Variants in GABRB2 observed in about 807,000 individuals in gnomAD.
The protein encoded by GABRB2 is gamma-aminobutyric acid receptor subunit beta-2.
Under a neutral mutation model 54.7 loss-of-function variants are expected in GABRB2, and 16 were observed. The observed-to-expected ratio is 0.29, with a 90% CI of 0.20 to 0.44. The LOEUF (loss-of-function observed/expected upper bound fraction) is 0.44. Among genes scored for constraint, GABRB2 ranks in the 20% least tolerant of loss-of-function variants. The pLI is 1.00. For synonymous variants in GABRB2, 244 were observed against 233.8 expected, an observed-to-expected ratio of 1.04 and a Z score of -0.40; for missense variants, 355 against 644.0, an observed-to-expected ratio of 0.55 and a Z score of 4.86.
chr5:161,417,868 T>C (rs750345826), intron 4 of GABRB2, among the ~76,000 whole-genome samples: 3 of 152,210 alleles, frequency 2.0e-5, no homozygotes, highest in Non-Finnish European at 2.9e-5. Context: ...CCAAGACTCA[T>C]GCATAAATGT....
At chr5:161,301,666 T>A (rs1757542844) in intron 9 of GABRB2, among the ~76,000 whole-genome samples, 1 of 152,206 alleles carries the variant, frequency 6.6e-6, no homozygotes. Context: ...GTGAATAAAC[T>A]GCTATTCTCT....
intron 4 of GABRB2, among the ~76,000 whole-genome samples, chr5:161,431,776 A>G (rs528099348): frequency 6.6e-6 from 1 of 152,330 alleles, no homozygotes; most frequent in South Asian, 2.1e-4. Context: ...ATAAACATCT[A>G]AGATTGATAA....
intron 5 of GABRB2, among the ~76,000 whole-genome samples, chr5:161,378,604 A>G (rs1212865801): frequency 6.6e-6 from 1 of 152,144 alleles, no homozygotes; most frequent in African/African-American, 2.4e-5. Flanking sequence ...TGTATTTACC[A>G]TGATGCTCAA....
chr5:161,378,825 G>A (rs1213918575), intron 5 of GABRB2, among the ~76,000 whole-genome samples: 2 of 152,184 alleles, frequency 1.3e-5, no homozygotes, highest in African/African-American at 4.8e-5. Flanking sequence ...TGAAGCAAAA[G>A]TGAGAGCTAT....
At chr5:161,297,735 A>G (rs1757423725) in intron 9 of GABRB2, among the ~76,000 whole-genome samples, 1 of 152,162 alleles carries the variant, frequency 6.6e-6, no homozygotes, top group South Asian at 2.1e-4. Context: ...TAGTGTTGCA[A>G]TAAACATATG....
intron 3 of GABRB2, among the ~76,000 whole-genome samples, chr5:161,475,687 T>A (rs1039995076): frequency 4.0e-5 from 6 of 151,894 alleles, no homozygotes; most frequent in Non-Finnish European, 5.9e-5. Context: ...ATACACTGCA[T>A]TAACAAAATT....
chr5:161,484,661 A>T (rs1758863894), intron 3 of GABRB2, among the ~76,000 whole-genome samples: 1 of 152,006 alleles, frequency 6.6e-6, no homozygotes, highest in African/African-American at 2.4e-5. Context: ...CACAGCAAAG[A>T]GCTTACTTTG....
intron 5 of GABRB2, among the ~76,000 whole-genome samples, chr5:161,347,107 G>A (rs1052712691): frequency 1.3e-5 from 2 of 152,114 alleles, no homozygotes; most frequent in African/African-American, 4.8e-5. Flanking sequence ...TCTAGAGCAT[G>A]AGCTTTTTAA....
intron 3 of GABRB2, among the ~76,000 whole-genome samples, chr5:161,516,586 T>C (rs1759956082): frequency 6.6e-6 from 1 of 152,214 alleles, no homozygotes; most frequent in Non-Finnish European, 1.5e-5. Context: ...AGGGCAACGT[T>C]GTTTTTGATA....
Position 161,485,124 on chromosome 5 carries a change from A to T in GABRB2, c.238-25280T>A, listed in dbSNP as rs185175215. On this transcript the variant is annotated intron_variant, in intron 3 of 9. Coordinates refer to ENST00000393959, the MANE Select transcript of GABRB2 (RefSeq NM_001371727.1). The stretch of plus-strand genomic sequence containing the variant: ...TCTACTAGGTCCTAAAATATATACC[A>T]CTTTCTATAGGAAGCCCTGTCTAAG... Among the ~76,000 whole-genome samples, 390 of 151,714 alleles carry T rather than the reference A, an allele frequency of 2.6e-3. 15 individuals are homozygous for T. Among genetic ancestry groups the T allele is most frequent in the Admixed American group, 0.025 (373 of 15,216 alleles).
intron 4 of GABRB2, 101 bp from the exon 5 acceptor site, chr5:161,411,158 G>T: frequency 2.4e-6 from 2 of 831,602 alleles, no homozygotes; most frequent in Non-Finnish European, 2.0e-6. Context: ...TTTACCCTAA[G>T]TACTAATGAA....
chr5:161,401,259 T>A (rs902387447), intron 5 of GABRB2, among the ~76,000 whole-genome samples: 10 of 152,228 alleles, frequency 6.6e-5, no homozygotes, highest in Non-Finnish European at 1.0e-4. Context: ...TTGATAACGT[T>A]ATGTATTATG....
intron 7 of GABRB2, among the ~76,000 whole-genome samples, chr5:161,333,021 G>A (rs1232360399): frequency 2.0e-5 from 3 of 151,996 alleles, no homozygotes; most frequent in South Asian, 2.1e-4. Context: ...TGTATCATAC[G>A]TATATAATAA....
intron 3 of GABRB2, among the ~76,000 whole-genome samples, chr5:161,537,213 C>T (rs1760665547): frequency 1.3e-5 from 2 of 152,266 alleles, no homozygotes; most frequent in South Asian, 4.2e-4. Context: ...AAATACGGGG[C>T]TCACCAGATT....
rs1424795380 is a variant in GABRB2 at position 161,292,740 on chromosome 5, T to G, written c.*1341A>C. 6.6e-6 allele frequency: 1 copy of G among 152,204 alleles called. No homozygotes were observed. Among genetic ancestry groups the G allele is most frequent in the African/African-American group, 2.4e-5 (1 of 41,466 alleles). The allele number at this position is 152,204 out of a possible 1,614,324, so 9.4% of individuals were successfully genotyped here. A position where few individuals can be genotyped will look rare whatever the true frequency, so the allele number is the denominator to read the frequency against. On this transcript the variant is annotated 3_prime_UTR_variant, in exon 10 of 10. Coordinates refer to ENST00000393959, the MANE Select transcript of GABRB2 (RefSeq NM_001371727.1). ...GAAAATCAAGCCCCAAACCAATGAA[T>G]GCACAAATTAACTCTCTGTGTGTTC...
chr5:161,500,308 T>C (rs1000837786), intron 3 of GABRB2, among the ~76,000 whole-genome samples: 13 of 152,164 alleles, frequency 8.5e-5, no homozygotes, highest in Non-Finnish European at 1.9e-4. Context: ...TCTCCTTTTT[T>C]CATTCTTTGC....
chr5:161,500,403 C>T (rs746610672), intron 3 of GABRB2, among the ~76,000 whole-genome samples: 3 of 152,020 alleles, frequency 2.0e-5, no homozygotes, highest in Admixed American at 6.6e-5. Context: ...ACACAGCCTT[C>T]CTTAGGGTTC....
At chr5:161,397,377 T>G (rs1295365202) in intron 5 of GABRB2, among the ~76,000 whole-genome samples, 1 of 152,198 alleles carries the variant, frequency 6.6e-6, no homozygotes, top group Non-Finnish European at 1.5e-5. Context: ...TGGCAGTACA[T>G]TTAATTAAAT....
At chr5:161,464,215 T>C (rs1758211271) in intron 3 of GABRB2, among the ~76,000 whole-genome samples, 1 of 152,060 alleles carries the variant, frequency 6.6e-6, no homozygotes, top group Admixed American at 6.6e-5. Context: ...ACAAACAACT[T>C]ATATCCATAA....
Sources: gnomAD v4.1 joint callset for allele counts (sites outside exome capture counted in the v4.1 genomes callset) on GRCh38, gnomAD v4.1.1 for gene constraint, MANE v1.5 for transcripts, NCBI Gene and HGNC (gene_info 2026-07-23, HGNC 2026-07-21) for gene names.